The following NME6 variants were observed in gnomAD, a reference collection of about 807,000 sequenced individuals.
The protein encoded by NME6 is nucleoside diphosphate kinase 6, mitochondrial.
NME6 carries 16 observed loss-of-function variants against 22.2 expected under a neutral mutation model. That is an observed-to-expected ratio of 0.72 (90% CI 0.49 to 1.09). The LOEUF (loss-of-function observed/expected upper bound fraction) is 1.09, where lower values mean the gene tolerates loss of function less well. NME6 is among the 50% of genes least tolerant of loss of function. The pLI, the probability that NME6 is intolerant of heterozygous loss-of-function variation, is 0.00. For missense variants in NME6, 229 were observed against 239.0 expected (o/e 0.96, Z 0.28); for synonymous variants, 58 against 85.2 (o/e 0.68, Z 1.76).
At chr3:48,288,760 A>T (rs1490866713), downstream of NME6, 1 of 152,174 alleles carries the variant, frequency 6.6e-6, no homozygotes, top group Non-Finnish European at 1.5e-5. Flanking sequence ...AGCATGATAC[A>T]CTGCATGACA....
intron 1 of NME6, among the ~76,000 whole-genome samples, chr3:48,299,776 G>C (rs2107015568): frequency 6.6e-6 from 1 of 152,188 alleles, no homozygotes; most frequent in African/African-American, 2.4e-5. Flanking sequence ...TCCTATTCAT[G>C]TCCTTTCTAC....
At chr3:48,299,877 G>A (rs1474688703) in intron 1 of NME6, among the ~76,000 whole-genome samples, 1 of 152,128 alleles carries the variant, frequency 6.6e-6, no homozygotes, top group Non-Finnish European at 1.5e-5. Context: ...TAATGCCACA[G>A]GTGGTAACAC....
At chr3:48,300,177 C>T in intron 1 of NME6, 1 of 452,302 alleles carries the variant, frequency 2.2e-6, no homozygotes, top group Non-Finnish European at 4.4e-6. Context: ...ATATGGTTCC[C>T]CTCCTTAACC....
intron 3 of NME6, 82 bp from the exon 4 acceptor site, chr3:48,296,240 G>A (rs2035087014): frequency 6.3e-7 from 1 of 1,590,728 alleles, no homozygotes; most frequent in Non-Finnish European, 8.6e-7. Context: ...TCCTTACCTA[G>A]AATAATAAAA....
Position 48,294,540 on chromosome 3 carries a change from G to A in NME6, c.*97C>T. 1 of 1,315,762 alleles carries A rather than the reference G, an allele frequency of 7.6e-7. No individual in the cohort carries two copies. The highest frequency in any genetic ancestry group is 1.1e-6 in the Non-Finnish European group (1 of 941,212). The allele number at this position is 1,315,762 out of a possible 1,614,324, so 81.5% of individuals were successfully genotyped here. ...GCAGGTGGTGGTGCCCAGCAGAAAT[G>A]GCACTGTAAGCCAGGCTTCCCTGGT... is the stretch of plus-strand genomic sequence containing the variant. On this transcript the variant is annotated 3_prime_UTR_variant, in exon 6 of 6. Transcript: ENST00000442597.
chr3:48,292,877 C>T lies in NME6; in HGVS notation c.*1760G>A, dbSNP rs1195010060. 1 of 152,190 alleles carries T rather than the reference C, an allele frequency of 6.6e-6. No individual in the cohort carries two copies. Among genetic ancestry groups the T allele is most frequent in the Non-Finnish European group, 1.5e-5 (1 of 68,068 alleles). 9.4% of individuals were successfully genotyped at this position (152,190 alleles called of 1,614,324 possible). A position where few individuals can be genotyped will look rare whatever the true frequency, so the allele number is the denominator to read the frequency against. ...CAAGGATTTTTGTACAGCAAATGGC[C>T]TTAGAAGACAGAGATAGTATCTCCC... On this transcript the variant is annotated 3_prime_UTR_variant, in exon 6 of 6. Transcript: ENST00000442597.
downstream of NME6, among the ~76,000 whole-genome samples, chr3:48,290,070 T>G (rs1007630111): frequency 2.1e-5 from 3 of 145,820 alleles, no homozygotes; most frequent in Non-Finnish European, 4.6e-5. Flanking sequence ...TGGTTTTTTG[T>G]TTTTTTTTTT....
intron 2 of NME6, 142 bp from the exon 3 acceptor site, chr3:48,296,971 C>T (rs904780454): frequency 8.0e-6 from 5 of 622,816 alleles, no homozygotes; most frequent in South Asian, 3.8e-5. Context: ...GAGGTGAAGA[C>T]CTTCAGTCAC....
chr3:48,291,801 C>T (rs2034504351), downstream of NME6: 2 of 152,688 alleles, frequency 1.3e-5, no homozygotes, highest in Non-Finnish European at 2.9e-5. Context: ...GAGTCTCGCT[C>T]TTTCACCCAG....
At chr3:48,297,366 G>A in intron 2 of NME6, 1 of 153,158 alleles carries the variant, frequency 6.5e-6, no homozygotes. Flanking sequence ...TCTCCCTTCT[G>A]TGCAACACCT....
Position 48,294,718 on chromosome 3 carries a change from C to A in NME6, c.480G>T (p.Gln160His), listed in dbSNP as rs1174992868. Residue 160 changes from glutamine (Q) to histidine (H), a missense_variant, in exon 6 of 6, where the codon CAG (glutamine) becomes CAT (histidine). Physicochemically the swap from Gln to His is conservative, Grantham distance 24. Coordinates refer to ENST00000442597, the MANE Select transcript of NME6 (RefSeq NM_001308426.2). The stretch of plus-strand genomic sequence containing the variant: ...TATAGCACACAGGGCCACAGCGCAA[C>A]TGGGGCTCTTCCTCCTCATACCAGC... Reference protein sequence around the residue: ...EQRWYEEEEPQLRCGPVCYSP... With the variant: ...EQRWYEEEEPHLRCGPVCYSP... The A allele has an allele frequency of 1.7e-5, 27 of 1,614,074 alleles. No homozygotes were observed. The highest frequency in any genetic ancestry group is 2.2e-5 in the Non-Finnish European group (26 of 1,180,038).
chr3:48,289,406 G>C (rs555621488), downstream of NME6, among the ~76,000 whole-genome samples: 1 of 152,122 alleles, frequency 6.6e-6, no homozygotes, highest in Non-Finnish European at 1.5e-5. Flanking sequence ...TGGAAAGGTG[G>C]ATTGAGGGAG....
downstream of NME6, among the ~76,000 whole-genome samples, chr3:48,289,825 T>C (rs2034332348): frequency 6.6e-6 from 1 of 152,178 alleles, no homozygotes; most frequent in Non-Finnish European, 1.5e-5. Flanking sequence ...TAAATGCCTG[T>C]TATTGAACAG....
intron 5 of NME6, 26 bp downstream of exon 5, chr3:48,295,049 C>T (rs775570639): frequency 1.9e-6 from 3 of 1,604,970 alleles, no homozygotes; most frequent in Non-Finnish European, 2.6e-6. Flanking sequence ...CCCAAAATAT[C>T]CTATGGCTAT....
At position 48,293,799 on chromosome 3, in the gene NME6, T is replaced by C. The variant is rs1342278187; in HGVS notation, c.*838A>G. 6.6e-6 allele frequency: 1 copy of C among 152,122 alleles called. No individual in the cohort carries two copies. The highest frequency in any genetic ancestry group is 1.5e-5 in the Non-Finnish European group (1 of 68,020). The allele number at this position is 152,122 out of a possible 1,614,324, so 9.4% of individuals were successfully genotyped here. On this transcript the variant is annotated 3_prime_UTR_variant, in exon 6 of 6. Transcript: ENST00000442597. ...TTTTCAGTATGTCTTGAATAGAGAA[T>C]TTATGAAAATAAATGTTTGCATAAG...
At chr3:48,298,821 C>T (rs2035401844) in intron 1 of NME6, 1 of 622,604 alleles carries the variant, frequency 1.6e-6, no homozygotes, top group African/African-American at 1.8e-5. Context: ...TAAATACTAC[C>T]TGTCTCTGCC....
intron 2 of NME6, 77 bp from the exon 3 acceptor site, chr3:48,296,906 G>A: frequency 2.7e-6 from 3 of 1,109,206 alleles, no homozygotes; most frequent in Non-Finnish European, 4.0e-6. Context: ...AGGACCACTT[G>A]TTGCTCAGGA....
chr3:48,298,914 CATA>C (rs1214541634), intron 1 of NME6: 1 of 701,994 alleles, frequency 1.4e-6, no homozygotes, highest in Non-Finnish European at 2.6e-6. Flanking sequence ...AAGGCCTATT[CATA>C]ATGATGAATT....
At chr3:48,289,542 A>C (rs2034318962), downstream of NME6, among the ~76,000 whole-genome samples, 2 of 152,118 alleles carry the variant, frequency 1.3e-5, no homozygotes, top group African/African-American at 4.8e-5. Flanking sequence ...GAATGATTTC[A>C]GACATGGGTG....
Sources: allele counts gnomAD v4.1 joint callset (sites outside exome capture counted in the v4.1 genomes callset), GRCh38; gene constraint gnomAD v4.1.1; transcripts MANE v1.5; gene names NCBI Gene and HGNC (gene_info 2026-07-23, HGNC 2026-07-21).